CTNNA3: variants seen among roughly 807,000 people sequenced by gnomAD.
CTNNA3 encodes the protein catenin alpha 3, also known as catenin alpha-3.
In CTNNA3, 76 loss-of-function variants were observed where a neutral mutation model predicts 95.7. The observed-to-expected ratio is 0.79, with a 90% confidence interval of 0.66 to 0.96. The LOEUF (loss-of-function observed/expected upper bound fraction) is 0.96, where lower values mean the gene tolerates loss of function less well. Among genes scored for constraint, CTNNA3 ranks in the 40% least tolerant of loss-of-function variants. The pLI is 0.00. For synonymous variants in CTNNA3, 431 were observed against 374.4 expected (o/e 1.15, Z -1.74); for missense variants, 1,191 against 1,089.8 (o/e 1.09, Z -1.31).
intron 5 of CTNNA3, among the ~76,000 whole-genome samples, chr10:67,480,528 C>T (rs138161912): frequency 5.8e-4 from 89 of 152,316 alleles, no homozygotes; most frequent in South Asian, 2.1e-3. Context: ...ACCTGGCCCA[C>T]CCAGGGCAGA....
chr10:66,028,265 A>G (rs943183114), intron 15 of CTNNA3, among the ~76,000 whole-genome samples: 14 of 152,252 alleles, frequency 9.2e-5, no homozygotes, highest in African/African-American at 2.9e-4. Context: ...CCAAAGGATT[A>G]TAAATCATGC....
In CTNNA3 at chr10:66,123,926, C is replaced by T. The variant is rs1343741034; in HGVS notation, c.1885-20677G>A. On this transcript the variant is annotated intron_variant, in intron 13 of 17. Transcript: ENST00000433211. The stretch of plus-strand genomic sequence containing the variant: ...ACGAAACCACTTTGTCCTCCTAGGC[C>T]TCCAGGCCTGTGATAGAAGGGGCTC... Among the ~76,000 whole-genome samples the T allele has an allele frequency of 3.3e-5, 5 of 152,204 alleles. No homozygotes were observed. In the East Asian group the frequency reaches 7.7e-4, roughly 23 times the overall value.
At chr10:66,174,749 CAATCCCCCATGTATACT>C (rs1394083761) in intron 13 of CTNNA3, among the ~76,000 whole-genome samples, 1 of 152,002 alleles carries the variant, frequency 6.6e-6, no homozygotes, top group African/African-American at 2.4e-5. Context: ...GTCCTGGAAC[CAATCCCCCATGTATACT>C]GAGGGACAAA....
rs116785727 is a variant in CTNNA3 at position 67,188,416 on chromosome 10, G to C, written c.844-7896C>G. 5.1e-3 allele frequency among the ~76,000 whole-genome samples: 778 copies of C among 152,248 alleles called. 6 individuals are homozygous for C. Among genetic ancestry groups the C allele is most frequent in the African/African-American group, 0.018 (728 of 41,542 alleles). On this transcript the variant is annotated intron_variant, in intron 6 of 17. Coordinates refer to ENST00000433211, the MANE Select transcript of CTNNA3 (RefSeq NM_013266.4). ...AGGCTGAGGTAGGAGGATCATTTGAGCCTGGCAAACCAGTCATTCACAGAA... is the reference window on the plus strand; with the variant it reads ...AGGCTGAGGTAGGAGGATCATTTGACCCTGGCAAACCAGTCATTCACAGAA...
At chr10:66,319,393 T>G (rs1454016736) in intron 12 of CTNNA3, among the ~76,000 whole-genome samples, 2 of 152,098 alleles carry the variant, frequency 1.3e-5, no homozygotes, top group Non-Finnish European at 1.5e-5. Context: ...CCAAGCCTAC[T>G]TTTCAGCTAG....
At chr10:67,589,038 G>C (rs916964066) in intron 3 of CTNNA3, among the ~76,000 whole-genome samples, 19 of 151,832 alleles carry the variant, frequency 1.3e-4, no homozygotes, top group African/African-American at 4.6e-4. Context: ...CCACAAAAAG[G>C]TTTCAATAAA....
At chr10:66,926,308 A>G in intron 7 of CTNNA3, 1 of 449,836 alleles carries the variant, frequency 2.2e-6, no homozygotes, top group Non-Finnish European at 4.1e-6. Flanking sequence ...AACTGTAAAG[A>G]TGCAAAAACG....
chr10:66,268,245 T>C (rs2132122012), intron 13 of CTNNA3, among the ~76,000 whole-genome samples: 1 of 152,262 alleles, frequency 6.6e-6, no homozygotes, highest in South Asian at 2.1e-4. Context: ...AAGATGGGGT[T>C]CGTGTCTCCT....
intron 11 of CTNNA3, among the ~76,000 whole-genome samples, chr10:66,490,884 C>G (rs575047943): frequency 6.6e-6 from 1 of 152,126 alleles, no homozygotes; most frequent in African/African-American, 2.4e-5. Context: ...CAATGAACAA[C>G]GAATATATGA....
chr10:67,355,750 G>A lies in CTNNA3; in HGVS notation c.580-135880C>T, dbSNP rs185649571. Among the ~76,000 whole-genome samples, 37 of 152,048 alleles carry A rather than the reference G, an allele frequency of 2.4e-4. No homozygotes were observed. In the East Asian group the frequency reaches 3.5e-3, roughly 14 times the overall value. Reference sequence around the variant, plus strand: ...GCAATGATAATACAAAGCTATCATCGTTTTCAAACCGTTTAAAAATGTTGA... The same window carrying A: ...GCAATGATAATACAAAGCTATCATCATTTTCAAACCGTTTAAAAATGTTGA... On this transcript the variant is annotated intron_variant, in intron 5 of 17. Transcript: ENST00000433211.
At chr10:67,749,244 A>G (rs1230703575) in intron 1 of CTNNA3, among the ~76,000 whole-genome samples, 3 of 152,220 alleles carry the variant, frequency 2.0e-5, no homozygotes, top group Admixed American at 1.3e-4. Context: ...TCAATATTAC[A>G]CAGATCATCG....
chr10:66,655,188 C>T (rs1846033524), intron 9 of CTNNA3, among the ~76,000 whole-genome samples: 1 of 151,986 alleles, frequency 6.6e-6, no homozygotes, highest in Non-Finnish European at 1.5e-5. Flanking sequence ...TCATGTGGTA[C>T]ATGATAAATA....
chr10:66,060,467 C>T (rs1284551552), intron 15 of CTNNA3, among the ~76,000 whole-genome samples: 1 of 151,972 alleles, frequency 6.6e-6, no homozygotes, highest in East Asian at 1.9e-4. Context: ...CTTAAACACA[C>T]TAGCACGGAG....
intron 5 of CTNNA3, among the ~76,000 whole-genome samples, chr10:67,292,110 G>A (rs1233251766): frequency 6.6e-6 from 1 of 152,184 alleles, no homozygotes; most frequent in East Asian, 1.9e-4. Flanking sequence ...TATGGGGCAG[G>A]ACTCTCTCTT....
rs939103529 is a variant in CTNNA3 at position 66,288,686 on chromosome 10, T to C, written c.1733-8065A>G. On this transcript the variant is annotated intron_variant, in intron 12 of 17. Transcript: ENST00000433211. ...GTTCTATCATCACAAAAAGTTCTAT[T>C]GGACAGCACTATTTCAAATATTTGC... is the stretch of plus-strand genomic sequence containing the variant. Among the ~76,000 whole-genome samples, 59 of 152,134 alleles carry C rather than the reference T, an allele frequency of 3.9e-4. 4 individuals are homozygous for C. The highest frequency in any genetic ancestry group is 2.9e-5 in the Non-Finnish European group (2 of 67,994).
At chr10:66,245,272 C>T (rs1167582119) in intron 13 of CTNNA3, among the ~76,000 whole-genome samples, 2 of 152,158 alleles carry the variant, frequency 1.3e-5, no homozygotes, top group Non-Finnish European at 2.9e-5. Context: ...CCTGGAAGCA[C>T]ATTGGTGCCC....
chr10:65,960,556 G>A (rs968711151), intron 17 of CTNNA3, among the ~76,000 whole-genome samples: 1 of 152,134 alleles, frequency 6.6e-6, no homozygotes, highest in African/African-American at 2.4e-5. Flanking sequence ...GGGGGTACAT[G>A]TGCAGTTTTG....
chr10:67,329,940 C>A (rs1376413240), intron 5 of CTNNA3, among the ~76,000 whole-genome samples: 1 of 152,184 alleles, frequency 6.6e-6, no homozygotes, highest in Non-Finnish European at 1.5e-5. Context: ...TTAGGTGTGG[C>A]CTTATCCTCA....
chr10:66,368,635 C>A (rs12783543), intron 12 of CTNNA3, among the ~76,000 whole-genome samples: 7,134 of 151,852 alleles, frequency 0.047, 206 homozygotes, highest in Middle Eastern at 0.14. Flanking sequence ...TGTGGAGATA[C>A]GGCAAATACA....
Sources: gnomAD v4.1 joint callset for allele counts (sites outside exome capture counted in the v4.1 genomes callset) on GRCh38, gnomAD v4.1.1 for gene constraint, MANE v1.5 for transcripts, NCBI Gene and HGNC (gene_info 2026-07-23, HGNC 2026-07-21) for gene names.